Variants in SLC25A48 observed in about 807,000 individuals in gnomAD.
The protein encoded by SLC25A48 is solute carrier family 25 member 48, also known as CTC-321K16.1.
In SLC25A48, 29 loss-of-function variants were observed where a neutral mutation model predicts 32.2. That is an observed-to-expected ratio of 0.90 (90% CI 0.67 to 1.23). The LOEUF is 1.23. Ranked by LOEUF, SLC25A48 falls within the 50% of genes most tolerant of loss-of-function variation. SLC25A48 has a pLI of 0.00. For missense variants in SLC25A48, 399 were observed against 422.7 expected (o/e 0.94, Z 0.49); for synonymous variants, 164 against 172.3 (o/e 0.95, Z 0.38).
intron 3 of SLC25A48, among the ~76,000 whole-genome samples, chr5:135,725,337 G>A (rs1317679588): frequency 6.6e-6 from 1 of 152,192 alleles, no homozygotes; most frequent in Non-Finnish European, 1.5e-5. Flanking sequence ...GGAAGAGACT[G>A]TGACTGGAGT....
At chr5:135,761,617 A>G (rs1756061994) in intron 3 of SLC25A48, among the ~76,000 whole-genome samples, 1 of 152,192 alleles carries the variant, frequency 6.6e-6, no homozygotes, top group Admixed American at 6.5e-5. Context: ...TCCAATGCAA[A>G]TACCCTAGCT....
intron 3 of SLC25A48, among the ~76,000 whole-genome samples, chr5:135,668,204 C>A (rs7707534): frequency 0.68 from 103,625 of 152,042 alleles, 35,810 homozygotes; most frequent in Middle Eastern, 0.78. Flanking sequence ...CACTAACAAG[C>A]GGCCAGAGAT....
At chr5:135,695,511 C>T (rs1754244361) in intron 3 of SLC25A48, among the ~76,000 whole-genome samples, 1 of 152,228 alleles carries the variant, frequency 6.6e-6, no homozygotes, top group Non-Finnish European at 1.5e-5. Flanking sequence ...GGCACAGCCC[C>T]AGTCCTCCTG....
At chr5:135,712,793 G>A (rs140476447) in intron 3 of SLC25A48, among the ~76,000 whole-genome samples, 29 of 152,302 alleles carry the variant, frequency 1.9e-4, no homozygotes, top group African/African-American at 7.0e-4. Flanking sequence ...TTCTAGACAT[G>A]ACTGAGGAGC....
At chr5:135,878,297 A>G (rs867291824) in intron 6 of SLC25A48, among the ~76,000 whole-genome samples, 23 of 152,282 alleles carry the variant, frequency 1.5e-4, no homozygotes, top group African/African-American at 5.3e-4. Flanking sequence ...CGCCTTGCAG[A>G]GCAGAGCCAA....
At chr5:135,709,563 T>C (rs1032354219) in intron 3 of SLC25A48, among the ~76,000 whole-genome samples, 10 of 152,194 alleles carry the variant, frequency 6.6e-5, no homozygotes, top group African/African-American at 2.4e-4. Context: ...CTGGTGCTTT[T>C]GAAGCAGGGC....
At chr5:135,848,114 G>T (rs1459644196) in intron 2 of SLC25A48, among the ~76,000 whole-genome samples, 1 of 152,182 alleles carries the variant, frequency 6.6e-6, no homozygotes, top group African/African-American at 2.4e-5. Flanking sequence ...CAGCCTACCC[G>T]AGTGCTCAGC....
At chr5:135,753,119 C>T (rs965144923) in intron 3 of SLC25A48, among the ~76,000 whole-genome samples, 2 of 151,932 alleles carry the variant, frequency 1.3e-5, no homozygotes, top group African/African-American at 2.4e-5. Flanking sequence ...ATATATTATG[C>T]GTAATATCAC....
At chr5:135,854,248 G>A (rs1246481298) in intron 4 of SLC25A48, among the ~76,000 whole-genome samples, 1 of 152,184 alleles carries the variant, frequency 6.6e-6, no homozygotes, top group Non-Finnish European at 1.5e-5. Context: ...AAAGTCACCA[G>A]CTGCATTAGT....
At chr5:135,642,556 C>T (rs1001316334) in intron 3 of SLC25A48, among the ~76,000 whole-genome samples, 3 of 152,230 alleles carry the variant, frequency 2.0e-5, no homozygotes, top group Middle Eastern at 3.2e-3. Context: ...TCTAAACAAG[C>T]TGTTTGGAAT....
Position 135,619,370 on chromosome 5 carries a change from T to A in SLC25A48, c.-848-9867T>A, listed in dbSNP as rs375109180. 1.8e-4 allele frequency among the ~76,000 whole-genome samples: 27 copies of A among 152,314 alleles called. 1 individual carries two copies. Among genetic ancestry groups the A allele is most frequent in the African/African-American group, 6.3e-4 (26 of 41,598 alleles). On this transcript the variant is annotated intron_variant, in intron 1 of 10. Transcript: ENST00000646290. ...TTTCTATTTGGTTCTTTTTTTGTGA[T>A]ATCTAGCTTTTTGGTAAATTTCTCT...
intron 3 of SLC25A48, among the ~76,000 whole-genome samples, chr5:135,656,024 C>T (rs973838268): frequency 1.3e-5 from 2 of 152,140 alleles, no homozygotes; most frequent in Non-Finnish European, 2.9e-5. Context: ...TCTTTCTTAT[C>T]CTGAGGGCTG....
At chr5:135,806,251 T>G (rs751371722) in intron 3 of SLC25A48, among the ~76,000 whole-genome samples, 4 of 151,730 alleles carry the variant, frequency 2.6e-5, no homozygotes, top group Non-Finnish European at 4.4e-5. Context: ...ACCCTGTGGG[T>G]ATGTACTCTG....
At chr5:135,681,528 CTG>C (rs1367356297) in intron 3 of SLC25A48, among the ~76,000 whole-genome samples, 1 of 152,116 alleles carries the variant, frequency 6.6e-6, no homozygotes, top group African/African-American at 2.4e-5. Flanking sequence ...ATTCTATCAT[CTG>C]TATTATTTCT....
chr5:135,707,307 G>C (rs571122229), intron 3 of SLC25A48, among the ~76,000 whole-genome samples: 11 of 152,248 alleles, frequency 7.2e-5, no homozygotes, highest in Non-Finnish European at 1.5e-4. Flanking sequence ...GTGCACTCTT[G>C]CTCCTGAATG....
intron 4 of SLC25A48, among the ~76,000 whole-genome samples, chr5:135,854,315 C>T (rs1048006222): frequency 6.6e-6 from 1 of 152,224 alleles, no homozygotes; most frequent in Non-Finnish European, 1.5e-5. Context: ...ATTGACGTCT[C>T]CTCTCTAGCT....
At chr5:135,655,545 G>C (rs910516041) in intron 3 of SLC25A48, among the ~76,000 whole-genome samples, 12 of 152,124 alleles carry the variant, frequency 7.9e-5, no homozygotes, top group Admixed American at 1.3e-4. Context: ...TCCCCAAAGG[G>C]CTGAGTGAGT....
chr5:135,842,631 C>G (rs1348996121), intron 2 of SLC25A48, among the ~76,000 whole-genome samples, 172 bp downstream of exon 2: 1 of 152,118 alleles, frequency 6.6e-6, no homozygotes, highest in African/African-American at 2.4e-5. Context: ...GGTTCAGAAC[C>G]CTCAGAGGTC....
rs1407888066 is a variant in SLC25A48 at position 135,772,989 on chromosome 5, C to T, written c.-520-39534C>T. ...CTCTCTGTGATATTGTTCATAGTATCAAGAAGAAAAGAGGATGGTATTACT... is the reference window on the plus strand; with the variant it reads ...CTCTCTGTGATATTGTTCATAGTATTAAGAAGAAAAGAGGATGGTATTACT... On this transcript the variant is annotated intron_variant, in intron 3 of 10. Transcript: ENST00000646290. Among the ~76,000 whole-genome samples the T allele has an allele frequency of 2.0e-5, 3 of 149,754 alleles. No homozygotes were observed. In the East Asian group the frequency reaches 6.1e-4, roughly 30 times the overall value.
Sources: gnomAD v4.1 joint callset for allele counts (sites outside exome capture counted in the v4.1 genomes callset) on GRCh38, gnomAD v4.1.1 for gene constraint, MANE v1.5 for transcripts, NCBI Gene and HGNC (gene_info 2026-07-23, HGNC 2026-07-21) for gene names.